TRERF1: variants seen among roughly 807,000 people sequenced by gnomAD.
The protein encoded by TRERF1 is transcriptional-regulating factor 1.
In TRERF1, 27 loss-of-function variants were observed where a neutral mutation model predicts 122.9. That is an observed-to-expected ratio of 0.22 (90% CI 0.16 to 0.30). TRERF1 has a LOEUF of 0.30. Ranked by LOEUF, TRERF1 falls within the 10% of genes least tolerant of loss-of-function variation. TRERF1 has a pLI of 1.00. For missense variants in TRERF1, 1,248 were observed against 1,560.3 expected, an observed-to-expected ratio of 0.80 and a Z score of 3.37; for synonymous variants, 636 against 641.7, an observed-to-expected ratio of 0.99 and a Z score of 0.13.
chr6:42,423,921 TCCCAAAACAATGTA>T, intron 2 of TRERF1, among the ~76,000 whole-genome samples: 1 of 152,288 alleles, frequency 6.6e-6, no homozygotes, highest in East Asian at 1.9e-4. Flanking sequence ...ATAATCTGCA[TCCCAAAACAATGTA>T]GTTTTAAGTT....
intron 3 of TRERF1, among the ~76,000 whole-genome samples, chr6:42,353,798 T>A (rs1431986316): frequency 6.6e-6 from 1 of 152,216 alleles, no homozygotes; most frequent in Admixed American, 6.5e-5. Context: ...TCAAGTAGTA[T>A]AATTTCTTTA....
intron 4 of TRERF1, among the ~76,000 whole-genome samples, chr6:42,285,467 T>C (rs34367753): frequency 0.025 from 3,756 of 151,072 alleles, 45 homozygotes; most frequent in Non-Finnish European, 0.034. Flanking sequence ...AATTGAATAC[T>C]CTTTATTTCC....
At chr6:42,363,413 C>T (rs556636792) in intron 2 of TRERF1, among the ~76,000 whole-genome samples, 3 of 152,280 alleles carry the variant, frequency 2.0e-5, no homozygotes, top group Admixed American at 6.5e-5. Context: ...AGACCCTCAC[C>T]GTTTCTCGAC....
intron 4 of TRERF1, among the ~76,000 whole-genome samples, chr6:42,279,694 G>A (rs1781946767): frequency 1.3e-5 from 2 of 152,154 alleles, no homozygotes; most frequent in African/African-American, 2.4e-5. Context: ...GGTGGTGGCT[G>A]GCGCTGTCAC....
chr6:42,241,509 T>C (rs545335240), intron 15 of TRERF1, among the ~76,000 whole-genome samples: 13 of 152,234 alleles, frequency 8.5e-5, no homozygotes, highest in African/African-American at 3.1e-4. Context: ...TTGCCCAAGC[T>C]GGAGTGCAAT....
chr6:42,277,966 GAAGAAGAA>G (rs1781582952), intron 4 of TRERF1, among the ~76,000 whole-genome samples: 2 of 145,998 alleles, frequency 1.4e-5, no homozygotes, highest in Non-Finnish European at 3.0e-5. Context: ...AGAAGAAGAA[GAAGAAGAA>G]GACTGCAATA....
chr6:42,333,856 A>G (rs892122810), intron 3 of TRERF1, among the ~76,000 whole-genome samples: 3 of 152,174 alleles, frequency 2.0e-5, no homozygotes, highest in African/African-American at 7.2e-5. Flanking sequence ...ACGAATCCCA[A>G]CGGCCACATC....
Position 42,262,534 on chromosome 6 carries a change from A to C in TRERF1, c.1884+786T>G, listed in dbSNP as rs1456877038. Among the ~76,000 whole-genome samples the C allele has an allele frequency of 1.3e-3, 80 of 61,962 alleles. 7 individuals carry two copies. The highest frequency in any genetic ancestry group is 9.8e-3 in the East Asian group (14 of 1,432). 40.6% of individuals were successfully genotyped at this position (61,962 alleles called of 152,430 possible). The stretch of plus-strand genomic sequence containing the variant: ...GAGAGAGAGAGAGAGAGAGAGAGAG[A>C]GAGAGAGAGAGAGAGAGAGAGAGAG... On this transcript the variant is annotated intron_variant, in intron 8 of 17. Transcript: ENST00000372922.
chr6:42,338,276 G>C (rs1766589213), intron 3 of TRERF1, among the ~76,000 whole-genome samples: 1 of 152,100 alleles, frequency 6.6e-6, no homozygotes, highest in Non-Finnish European at 1.5e-5. Flanking sequence ...AGAGAGGGAA[G>C]GAAGAAACTT....
intron 2 of TRERF1, among the ~76,000 whole-genome samples, chr6:42,440,798 A>G (rs1408675880): frequency 1.3e-5 from 2 of 152,138 alleles, no homozygotes; most frequent in African/African-American, 4.8e-5. Flanking sequence ...GCAGCTTTTA[A>G]AAGGTTACAA....
At chr6:42,399,550 C>T (rs1196218404) in intron 2 of TRERF1, among the ~76,000 whole-genome samples, 2 of 152,160 alleles carry the variant, frequency 1.3e-5, no homozygotes, top group Admixed American at 1.3e-4. Context: ...GCGGCTGCAG[C>T]GCTGGGGTCC....
intron 15 of TRERF1, 144 bp from the exon 16 acceptor site, chr6:42,236,555 G>C: frequency 7.6e-7 from 1 of 1,324,282 alleles, no homozygotes; most frequent in Non-Finnish European, 1.0e-6. Context: ...ATGGTGGACA[G>C]AGCCTGTTAG....
exon 11 of TRERF1, chr6:42,257,002 G>T (rs1190899189): frequency 6.2e-7 from 1 of 1,614,088 alleles, no homozygotes; most frequent in Non-Finnish European, 8.5e-7. Flanking sequence ...TCTGGCCAGG[G>T]CTTCCATACC....
intron 2 of TRERF1, among the ~76,000 whole-genome samples, chr6:42,428,718 G>A (rs535534628): frequency 6.6e-5 from 10 of 152,326 alleles, no homozygotes; most frequent in African/African-American, 2.4e-4. Flanking sequence ...ACCAACCCTT[G>A]CCCTGCAGAA....
chr6:42,355,716 C>T (rs1409853943), intron 3 of TRERF1, among the ~76,000 whole-genome samples: 5 of 152,304 alleles, frequency 3.3e-5, no homozygotes, highest in Middle Eastern at 6.8e-3. Context: ...TCCACGTGGA[C>T]ATTACCATGT....
At chr6:42,241,982 C>A (rs1773827568) in intron 15 of TRERF1, among the ~76,000 whole-genome samples, 2 of 152,156 alleles carry the variant, frequency 1.3e-5, no homozygotes, top group African/African-American at 4.8e-5. Flanking sequence ...GTAGTCCCAG[C>A]TACTCAGGTG....
chr6:42,404,059 C>T (rs1423586215), intron 2 of TRERF1, among the ~76,000 whole-genome samples: 1 of 152,112 alleles, frequency 6.6e-6, no homozygotes, highest in African/African-American at 2.4e-5. Context: ...CCCACCCCAC[C>T]TGCAAGAGGG....
chr6:42,438,359 C>A (rs896022323), intron 2 of TRERF1, among the ~76,000 whole-genome samples: 2 of 151,494 alleles, frequency 1.3e-5, no homozygotes, highest in Non-Finnish European at 2.9e-5. Flanking sequence ...CCTGTAATCC[C>A]AGCACTTCGG....
intron 2 of TRERF1, among the ~76,000 whole-genome samples, chr6:42,371,276 C>T (rs966817063): frequency 1.3e-5 from 2 of 152,196 alleles, no homozygotes; most frequent in African/African-American, 4.8e-5. Flanking sequence ...TCTAAGGAAA[C>T]TTACCAAAAT....
Sources: allele counts gnomAD v4.1 joint callset (sites outside exome capture counted in the v4.1 genomes callset), GRCh38; gene constraint gnomAD v4.1.1; transcripts MANE v1.5; gene names NCBI Gene and HGNC (gene_info 2026-07-23, HGNC 2026-07-21).